PEX6: variants seen among roughly 807,000 people sequenced by gnomAD.
The protein encoded by PEX6 is peroxisomal biogenesis factor 6.
A neutral mutation model predicts 85.6 loss-of-function variants in PEX6; 55 were observed. The observed-to-expected ratio is 0.64, with a 90% CI of 0.52 to 0.80. The LOEUF (loss-of-function observed/expected upper bound fraction) is 0.80. Among genes scored for constraint, PEX6 ranks in the 30% least tolerant of loss-of-function variants. PEX6 has a pLI of 0.00. For missense variants in PEX6, 1,099 were observed against 1,260.3 expected (o/e 0.87, Z 1.94); for synonymous variants, 519 against 549.1 (o/e 0.95, Z 0.77).
At chr6:42,972,882 C>T (rs772817401) in intron 3 of PEX6, among the ~76,000 whole-genome samples, 16 of 151,890 alleles carry the variant, frequency 1.1e-4, no homozygotes, top group Non-Finnish European at 2.1e-4. Flanking sequence ...TATATCCTTA[C>T]GTTGAGATAT....
intron 1 of PEX6, among the ~76,000 whole-genome samples, chr6:42,976,969 AAGAT>A (rs1479707739): frequency 8.5e-5 from 13 of 152,334 alleles, no homozygotes; most frequent in African/African-American, 2.6e-4. Flanking sequence ...TGCCATAAAA[AAGAT>A]AGAAAATGCT....
At chr6:42,973,586 T>C (rs9471985) in intron 3 of PEX6, among the ~76,000 whole-genome samples, 85,826 of 151,834 alleles carry the variant, frequency 0.57, 25,665 homozygotes, top group African/African-American at 0.75. Flanking sequence ...GGGTGAGTGG[T>C]GCACACCTGT....
chr6:42,965,977 G>T lies in PEX6; in HGVS notation c.2362+67C>A, dbSNP rs1383246643. ...AATGATCATGAGTAGCCTGGGAGTAGGGGGTGGCTTGGGGGCCATCGGGGT... is the reference window on the plus strand; with the variant it reads ...AATGATCATGAGTAGCCTGGGAGTATGGGGTGGCTTGGGGGCCATCGGGGT... On this transcript the variant is annotated intron_variant, in intron 12 of 16. Transcript: ENST00000304611. The surrounding 1 kb of genome is among the most constrained non-coding windows in gnomAD (Gnocchi z 5.0). The T allele has an allele frequency of 1.3e-6, 2 of 1,532,810 alleles. No individual in the cohort carries two copies. Among genetic ancestry groups the T allele is most frequent in the Non-Finnish European group, 9.0e-7 (1 of 1,107,758 alleles). The allele number at this position is 1,532,810 out of a possible 1,614,324, so 95.0% of individuals were successfully genotyped here. A position where few individuals can be genotyped will look rare whatever the true frequency, so the allele number is the denominator to read the frequency against.
At position 42,969,870 on chromosome 6, in the gene PEX6, T is replaced by C. The variant is rs765951492; in HGVS notation, c.1233+15A>G. On this transcript the variant is annotated intron_variant, in intron 4 of 16. Coordinates refer to ENST00000304611, the MANE Select transcript of PEX6 (RefSeq NM_000287.4). ...TACCCCCTGCGCTGGTCTACACCCA[T>C]CCTTGGGGCCTCACCATGTACAAGG... The C allele has an allele frequency of 2.5e-6, 4 of 1,614,098 alleles. No homozygotes were observed. In the South Asian group the frequency reaches 4.4e-5, roughly 18 times the overall value.
intron 8 of PEX6, 23 bp downstream of exon 8, chr6:42,967,345 C>T (rs1385818217): frequency 6.2e-7 from 1 of 1,602,160 alleles, no homozygotes; most frequent in Non-Finnish European, 8.5e-7. Flanking sequence ...TAGGGAGGGC[C>T]AGTACTCTCC....
At position 42,979,107 on chromosome 6, in the gene PEX6, T is replaced by C; in HGVS notation, c.44A>G (p.Glu15Gly). 1 of 1,564,776 alleles carries C rather than the reference T, an allele frequency of 6.4e-7. No individual in the cohort carries two copies. Among genetic ancestry groups the C allele is most frequent in the Non-Finnish European group, 8.6e-7 (1 of 1,164,032 alleles). Residue 15 changes from glutamate to glycine, a missense_variant, in exon 1 of 17, where the codon GAG (glutamate) becomes GGG (glycine). Physicochemically the swap from Glu to Gly is moderately conservative, Grantham distance 98. This residue lies in a region of PEX6 where 579 missense variants were observed against 611.6 expected (regional missense o/e 0.95). Coordinates refer to ENST00000304611, the MANE Select transcript of PEX6 (RefSeq NM_000287.4). ...VLRVLEPFPT[E>G]TPPLAVLLPP... is the part of the protein sequence containing the mutation. ...CAGCAGCACTGCCAACGGGGGTGTC[T>C]CGGTCGGAAAGGGCTCCAGGACCCG... is the stretch of plus-strand genomic sequence containing the variant.
chr6:42,974,411 C>A (rs966464738), intron 2 of PEX6, among the ~76,000 whole-genome samples: 2 of 150,314 alleles, frequency 1.3e-5, no homozygotes, highest in African/African-American at 4.9e-5. Context: ...CCTGATATAC[C>A]AAGAGGCGCC....
At position 42,964,860 on chromosome 6, in the gene PEX6, C is replaced by T. The variant is rs202049230; in HGVS notation, c.2736G>A (p.Ala912=). The change falls in exon 16 of 17, where the codon GCG becomes GCA. Residue 912 remains alanine (A), a synonymous_variant. Transcript: ENST00000304611. This position sits in a 1 kb window ranked among gnomAD's most constrained non-coding sequence, Gnocchi z 4.6. ...LDCCPPQLTG[A]DLYSLCSDAM... Reference sequence around the variant, plus strand: ...CATCAGAGCAGAGAGAGTAGAGGTCCGCGCCCGTCAGCTGGGGAGGGCAGC... The same window carrying T: ...CATCAGAGCAGAGAGAGTAGAGGTCTGCGCCCGTCAGCTGGGGAGGGCAGC... The T allele has an allele frequency of 3.4e-5, 55 of 1,614,054 alleles. 1 individual carries two copies. The East Asian group carries it at 3.6e-4, about 10-fold the overall frequency.
chr6:42,966,587 C>A lies in PEX6; in HGVS notation c.2032G>T (p.Asp678Tyr), dbSNP rs891439849. Residue 678 changes from aspartate (D) to tyrosine (Y), a missense_variant, in exon 10 of 17, where the codon GAC becomes TAC. By Grantham distance (160) the Asp-to-Tyr change is radical (BLOSUM62 -3). Around this residue, in one of 3 missense-constraint regions of PEX6, gnomAD observed 514 missense variants for 627.0 expected, o/e 0.82. Transcript: ENST00000304611. The part of the protein sequence containing the change: ...CAAGFPLLAE[D>Y]FGQALEQLQT... ...AGTTGCTCCAGTGCCTGCCCAAAGT[C>A]CTCAGCCAGGAGAGGAAAGCCGGCA... The A allele has an allele frequency of 3.1e-6, 5 of 1,614,044 alleles. No individual in the cohort carries two copies. The highest frequency in any genetic ancestry group is 4.2e-6 in the Non-Finnish European group (5 of 1,180,036).
In PEX6 at chr6:42,966,859, C is replaced by A; in HGVS notation, c.1885-1G>T. 6.2e-7 allele frequency: 1 copy of A among 1,611,926 alleles called. No individual in the cohort carries two copies. The highest frequency in any genetic ancestry group is 1.1e-5 in the South Asian group (1 of 91,074). ...CATAGAGATCCCCTACCACAAAGCC[C>A]TAGGGAACCACAGGAAAGGACACAT... On this transcript the variant is annotated splice_acceptor_variant, in intron 8 of 16. Transcript: ENST00000304611. LOFTEE classifies it high-confidence loss of function.
rs61752142 is a variant in PEX6, at chr6:42,978,870, GCCCGCA to G, written c.275_280del (p.Val92_Arg93del). ...CGCCGGGGGCCGCCGCACCGCCCGC[GCCCGCA>G]CCCAGGCCCCGGAGCCCAGTGCCAG... On this transcript the variant is annotated inframe_deletion, in exon 1 of 17. Coordinates refer to ENST00000304611, the MANE Select transcript of PEX6 (RefSeq NM_000287.4). 4 of 1,492,658 alleles carry G rather than the reference GCCCGCA, an allele frequency of 2.7e-6. No individual in the cohort carries two copies. Among genetic ancestry groups the G allele is most frequent in the Non-Finnish European group, 3.5e-6 (4 of 1,130,464 alleles). 92.5% of individuals were successfully genotyped at this position (1,492,658 alleles called of 1,614,324 possible).
intron 3 of PEX6, among the ~76,000 whole-genome samples, chr6:42,973,788 A>G (rs1323554206): frequency 1.3e-5 from 2 of 152,122 alleles, no homozygotes; most frequent in Admixed American, 1.3e-4. Context: ...CACTTGAGCC[A>G]TGGAGGTAGA....
chr6:42,978,512 A>G lies in PEX6; in HGVS notation c.639T>C (p.Arg213=). The part of the protein sequence containing the change: ...DSLGVSRSCL[R]GLGLFQGEWV... ...ATTCGCCCTGGAAGAGGCCAAGGCC[A>G]CGGAGACAGCTCCGGCTCACCCCTA... The change falls in exon 1 of 17, where the codon CGT becomes CGC. Residue 213 remains arginine, a synonymous_variant. Coordinates refer to ENST00000304611, the MANE Select transcript of PEX6 (RefSeq NM_000287.4). 6.2e-7 allele frequency: 1 copy of G among 1,614,170 alleles called. No homozygotes were observed. The highest frequency in any genetic ancestry group is 1.3e-5 in the African/African-American group (1 of 75,052).
chr6:42,964,960 G>T lies in PEX6; in HGVS notation c.2667-31C>A. 1 of 1,614,078 alleles carries T rather than the reference G, an allele frequency of 6.2e-7. No homozygotes were observed. Among genetic ancestry groups the T allele is most frequent in the Non-Finnish European group, 8.5e-7 (1 of 1,179,998 alleles). ...GTGGGATACAGGAAGAAACAGAGTTGGCATCACCTCCTCCCTCGAAAGCCA... is the reference window on the plus strand; with the variant it reads ...GTGGGATACAGGAAGAAACAGAGTTTGCATCACCTCCTCCCTCGAAAGCCA... On this transcript the variant is annotated intron_variant, in intron 15 of 16. Transcript: ENST00000304611. The surrounding 1 kb of genome is among the most constrained non-coding windows in gnomAD (Gnocchi z 4.6).
In PEX6 at chr6:42,978,241, C is replaced by G. The variant is rs765070092; in HGVS notation, c.882+28G>C. On this transcript the variant is annotated intron_variant, in intron 1 of 16. Transcript: ENST00000304611. ...AGAAGAGGGTATAAGAAAGAGGAAG[C>G]ACTCCTGACCCCAGTCCTTTATCCT... 7 of 1,612,340 alleles carry G rather than the reference C, an allele frequency of 4.3e-6. No individual in the cohort carries two copies. In the African/African-American group the frequency reaches 9.3e-5, roughly 21 times the overall value.
At chr6:42,968,774 G>T in intron 6 of PEX6, 100 bp downstream of exon 6, 1 of 935,804 alleles carries the variant, frequency 1.1e-6, no homozygotes, top group Non-Finnish European at 1.8e-6. Context: ...GCTAGGGCCT[G>T]TGAGTAGACA....
chr6:42,973,979 G>A (rs748012412), intron 3 of PEX6, 24 bp downstream of exon 3: 105 of 1,557,362 alleles, frequency 6.7e-5, no homozygotes, highest in Non-Finnish European at 9.0e-5. Flanking sequence ...AATCCCAGCT[G>A]TAGGACAGAA....
In PEX6 at chr6:42,965,002, C is replaced by T. The variant is rs191391973; in HGVS notation, c.2666+73G>A. On this transcript the variant is annotated intron_variant, in intron 15 of 16. Transcript: ENST00000304611. The surrounding 1 kb of genome is among the most constrained non-coding windows in gnomAD (Gnocchi z 5.0). Reference sequence around the variant, plus strand: ...CGAAAGCCAGTGCTGACCAGCTCATCCTGCATGTTGCATGCATCCCCTAAG... The same window carrying T: ...CGAAAGCCAGTGCTGACCAGCTCATTCTGCATGTTGCATGCATCCCCTAAG... 3.1e-3 allele frequency: 4,956 copies of T among 1,612,116 alleles called. 17 individuals are homozygous for T. The highest frequency in any genetic ancestry group is 3.6e-3 in the Non-Finnish European group (4,282 of 1,178,128).
chr6:42,974,810 G>T (rs1455794146), intron 2 of PEX6, 65 bp downstream of exon 2: 4 of 1,466,598 alleles, frequency 2.7e-6, no homozygotes, highest in Admixed American at 3.3e-5. Flanking sequence ...TGGTTCTAAG[G>T]CATGGGATAG....
Sources: allele counts gnomAD v4.1 joint callset (sites outside exome capture counted in the v4.1 genomes callset), GRCh38; gene constraint gnomAD v4.1.1; regional missense constraint gnomAD v4.1.1; non-coding constraint Gnocchi (gnomAD v3.1); transcripts MANE v1.5; gene names NCBI Gene and HGNC (gene_info 2026-07-23, HGNC 2026-07-21).